Variants in RAPGEF6 observed in about 807,000 individuals in gnomAD.
RAPGEF6 encodes the protein PDZ domain containing guanine nucleotide exchange factor (GEF) 2.
Under a neutral mutation model 171.4 loss-of-function variants are expected in RAPGEF6, and 56 were observed. The observed-to-expected ratio is 0.33, with a 90% CI of 0.26 to 0.41. The LOEUF (loss-of-function observed/expected upper bound fraction) is 0.41. RAPGEF6 is among the 10% of genes least tolerant of loss of function. The probability of loss-of-function intolerance (pLI) is 1.00; values close to 1 mark genes in which losing one functional copy is unlikely to be tolerated. For missense variants in RAPGEF6, 1,674 were observed against 1,921.4 expected (o/e 0.87, Z 2.41); for synonymous variants, 692 against 650.1 (o/e 1.06, Z -0.98).
chr5:131,521,865 ACACACACACACACACACACACACACACT>A (rs1052969214), intron 6 of RAPGEF6, among the ~76,000 whole-genome samples: 1 of 136,142 alleles, frequency 7.3e-6, no homozygotes, highest in African/African-American at 2.6e-5. Flanking sequence ...ACACACACAC[ACACACACACACACACACACACACACACT>A]CTCTCTCTCT....
chr5:131,491,575 G>A (rs1756286640), intron 14 of RAPGEF6, among the ~76,000 whole-genome samples: 1 of 152,154 alleles, frequency 6.6e-6, no homozygotes, highest in Admixed American at 6.5e-5. Flanking sequence ...GTTAGGAACT[G>A]GGCCACACAG....
chr5:131,615,819 T>G (rs1765229079), intron 1 of RAPGEF6, among the ~76,000 whole-genome samples: 1 of 152,006 alleles, frequency 6.6e-6, no homozygotes. Context: ...TGAGAATTGC[T>G]TGAACCCGGG....
intron 6 of RAPGEF6, among the ~76,000 whole-genome samples, chr5:131,531,800 A>T (rs1174195093): frequency 1.3e-5 from 2 of 152,204 alleles, no homozygotes; most frequent in Non-Finnish European, 1.5e-5. Context: ...AGCAAGTTAG[A>T]GTATGATCAC....
In RAPGEF6 at chr5:131,510,594, T is replaced by C. The variant is rs1258545682; in HGVS notation, c.628-103A>G. 3.7e-6 allele frequency: 4 copies of C among 1,069,670 alleles called. No individual in the cohort carries two copies. The African/African-American group carries it at 6.4e-5, about 17-fold the overall frequency. 66.3% of individuals were successfully genotyped at this position (1,069,670 alleles called of 1,614,324 possible). A position where few individuals can be genotyped will look rare whatever the true frequency, so the allele number is the denominator to read the frequency against. ...CCCATCCCTACAAAATATAAAAGAC[T>C]TGGGCAACGCTGGATGCTGCATCAA... is the stretch of plus-strand genomic sequence containing the variant. On this transcript the variant is annotated intron_variant, in intron 7 of 27. Coordinates refer to ENST00000509018, the MANE Select transcript of RAPGEF6 (RefSeq NM_016340.6).
chr5:131,495,984 A>C lies in RAPGEF6; in HGVS notation c.1420-324T>G, dbSNP rs568544510. 8.6e-4 allele frequency among the ~76,000 whole-genome samples: 131 copies of C among 152,318 alleles called. 1 individual carries two copies. The highest frequency in any genetic ancestry group is 2.7e-3 in the African/African-American group (112 of 41,570). On this transcript the variant is annotated intron_variant, in intron 12 of 27. Transcript: ENST00000509018. The stretch of plus-strand genomic sequence containing the variant: ...ATGTCATAAAGCAGGCAATCCTATC[A>C]ATCAAAAATCCATACCGAAAGCGTT...
rs555358216 is a variant in RAPGEF6 at position 131,518,420 on chromosome 5, G to A, written c.627+2970C>T. ...TGAAATTTTTTTTTTTTTTGGAGAC[G>A]GAGTTTCACTCTTGTTGCCCAGGCT... is the stretch of plus-strand genomic sequence containing the variant. On this transcript the variant is annotated intron_variant, in intron 7 of 27. Transcript: ENST00000509018. Among the ~76,000 whole-genome samples, 15 of 145,882 alleles carry A rather than the reference G, an allele frequency of 1.0e-4. No homozygotes were observed. In the East Asian group the frequency reaches 1.4e-3, roughly 14 times the overall value.
At chr5:131,588,105 G>C (rs913459216) in intron 4 of RAPGEF6, among the ~76,000 whole-genome samples, 1 of 151,898 alleles carries the variant, frequency 6.6e-6, no homozygotes, top group Non-Finnish European at 1.5e-5. Flanking sequence ...TGATTTGGGG[G>C]TCCTGAGATT....
At position 131,621,348 on chromosome 5, in the gene RAPGEF6, G is replaced by C. The variant is rs547759376; in HGVS notation, c.69+13614C>G. Among the ~76,000 whole-genome samples the C allele has an allele frequency of 2.6e-5, 4 of 151,836 alleles. No individual in the cohort carries two copies. The East Asian group carries it at 7.8e-4, about 29-fold the overall frequency. ...TGTGTTGCCCAGGCTGAAGTGCAGT[G>C]GCACGATCACAGCTCACTGCAGCCT... On this transcript the variant is annotated intron_variant, in intron 1 of 27. Transcript: ENST00000509018.
At chr5:131,441,008 C>T (rs1029858858) in intron 23 of RAPGEF6, among the ~76,000 whole-genome samples, 7 of 152,170 alleles carry the variant, frequency 4.6e-5, no homozygotes, top group African/African-American at 1.7e-4. Context: ...TGCTGTGATC[C>T]TCACTACAGT....
At chr5:131,577,272 C>A (rs1201399465) in intron 4 of RAPGEF6, among the ~76,000 whole-genome samples, 1 of 152,208 alleles carries the variant, frequency 6.6e-6, no homozygotes, top group Non-Finnish European at 1.5e-5. Context: ...CCCTACCATC[C>A]TAAATCTTCA....
intron 4 of RAPGEF6, among the ~76,000 whole-genome samples, chr5:131,570,461 T>C (rs772491123): frequency 3.0e-4 from 46 of 152,284 alleles, no homozygotes; most frequent in Non-Finnish European, 5.9e-4. Flanking sequence ...ATATCTATAA[T>C]AAAGAAGTGA....
chr5:131,433,538 T>G lies in RAPGEF6; in HGVS notation c.3866A>C (p.Gln1289Pro). 1 of 1,613,672 alleles carries G rather than the reference T, an allele frequency of 6.2e-7. No homozygotes were observed. Among genetic ancestry groups the G allele is most frequent in the South Asian group, 1.1e-5 (1 of 91,068 alleles). ...GGCCTGAGAGGAACACCGTTCATCC[T>G]GTAGAGCTGCAGACATGGAGTCAAC... Reference protein sequence around the residue: ...CSVDSMSAALQDERCSSQALA... With the variant: ...CSVDSMSAALPDERCSSQALA... The change falls in exon 25 of 28, where the codon CAG becomes CCG. Residue 1289 changes from glutamine (Q) to proline (P), a missense_variant. By Grantham distance (76) the Gln-to-Pro change is moderately conservative. This residue lies in a region of RAPGEF6 where 552 missense variants were observed against 574.2 expected (regional missense o/e 0.96). Coordinates refer to ENST00000509018, the MANE Select transcript of RAPGEF6 (RefSeq NM_016340.6).
At chr5:131,614,941 C>T (rs752054355) in intron 1 of RAPGEF6, among the ~76,000 whole-genome samples, 1 of 152,130 alleles carries the variant, frequency 6.6e-6, no homozygotes, top group Non-Finnish European at 1.5e-5. Context: ...AAGTAATAAC[C>T]CTGTGAGATC....
rs77934101 is a variant in RAPGEF6, at chr5:131,626,918, T to C, written c.69+8044A>G. 1.8e-3 allele frequency among the ~76,000 whole-genome samples: 275 copies of C among 152,224 alleles called. 3 individuals carry two copies. The East Asian group carries it at 0.021, about 12-fold the overall frequency. ...ATTGTTAATCTATACCTAGGAAATATAGGAAATAAAATTCTGAGCAAGAGT... is the reference window on the plus strand; with the variant it reads ...ATTGTTAATCTATACCTAGGAAATACAGGAAATAAAATTCTGAGCAAGAGT... On this transcript the variant is annotated intron_variant, in intron 1 of 27. Transcript: ENST00000509018.
chr5:131,493,207 G>A lies in RAPGEF6; in HGVS notation c.1528-422C>T, dbSNP rs564904053. 2.6e-4 allele frequency among the ~76,000 whole-genome samples: 39 copies of A among 152,210 alleles called. No homozygotes were observed. In the East Asian group the frequency reaches 7.4e-3, roughly 29 times the overall value. On this transcript the variant is annotated intron_variant, in intron 13 of 27. Coordinates refer to ENST00000509018, the MANE Select transcript of RAPGEF6 (RefSeq NM_016340.6). The stretch of plus-strand genomic sequence containing the variant: ...AGCCTCCCGAGTAGCTGGGACTACA[G>A]GCGCCCGCCACCATGCCCGGCTAAT...
chr5:131,530,770 ATCAGCATTCC>A (rs926527422), intron 6 of RAPGEF6, among the ~76,000 whole-genome samples: 5 of 152,234 alleles, frequency 3.3e-5, no homozygotes, highest in Admixed American at 6.5e-5. Context: ...AAAGTTGGCT[ATCAGCATTCC>A]AAAGGCTATT....
At chr5:131,528,180 ATAT>A (rs66639485) in intron 6 of RAPGEF6, among the ~76,000 whole-genome samples, 78,992 of 122,382 alleles carry the variant, frequency 0.65, 27,207 homozygotes, top group Non-Finnish European at 0.77. Flanking sequence ...ATATAAATTT[ATAT>A]TATATTATAA....
At chr5:131,427,586 C>G (rs573337686) in intron 27 of RAPGEF6, among the ~76,000 whole-genome samples, 1 of 152,188 alleles carries the variant, frequency 6.6e-6, no homozygotes, top group South Asian at 2.1e-4. Context: ...CAAAGTCAGT[C>G]AAGACTTTTG....
At chr5:131,610,172 G>A (rs1764855586) in intron 1 of RAPGEF6, among the ~76,000 whole-genome samples, 1 of 152,172 alleles carries the variant, frequency 6.6e-6, no homozygotes, top group Non-Finnish European at 1.5e-5. Flanking sequence ...AGAAACAAAT[G>A]AGTAGAAGCA....
Sources: allele counts gnomAD v4.1 joint callset (sites outside exome capture counted in the v4.1 genomes callset), GRCh38; gene constraint gnomAD v4.1.1; regional missense constraint gnomAD v4.1.1; transcripts MANE v1.5; gene names NCBI Gene and HGNC (gene_info 2026-07-23, HGNC 2026-07-21).